Variants in AFDN observed in about 807,000 individuals in gnomAD.
AFDN encodes the protein afadin.
In AFDN, 68 loss-of-function variants were observed where a neutral mutation model predicts 216.6. The observed-to-expected ratio is 0.31, with a 90% CI of 0.26 to 0.38. The LOEUF (loss-of-function observed/expected upper bound fraction) is 0.38, where lower values mean the gene tolerates loss of function less well. AFDN is among the 10% of genes least tolerant of loss of function. The pLI is 1.00. For synonymous variants in AFDN, 868 were observed against 853.7 expected (o/e 1.02, Z -0.29); for missense variants, 2,136 against 2,342.0 (o/e 0.91, Z 1.82).
Position 167,971,592 on chromosome 6 carries a change from G to A in AFDN, c.*1657G>A, listed in dbSNP as rs2128792676. On this transcript the variant is annotated 3_prime_UTR_variant, in exon 34 of 34. Transcript: ENST00000683244. The stretch of plus-strand genomic sequence containing the variant: ...CCTCCCAAATATCTTGAGGACACTG[G>A]CAGCCTTATGGTGACTAAATCCACA... 1 of 193,636 alleles carries A rather than the reference G, an allele frequency of 5.2e-6. No individual in the cohort carries two copies. Among genetic ancestry groups the A allele is most frequent in the East Asian group, 8.2e-5 (1 of 12,154 alleles). 12.0% of individuals were successfully genotyped at this position (193,636 alleles called of 1,614,324 possible). A position where few individuals can be genotyped will look rare whatever the true frequency, so the allele number is the denominator to read the frequency against.
chr6:167,961,375 G>A (rs960039004), intron 30 of AFDN, among the ~76,000 whole-genome samples: 4 of 152,186 alleles, frequency 2.6e-5, no homozygotes, highest in African/African-American at 7.2e-5. Flanking sequence ...CATTATCTTA[G>A]ACTAGAATAA....
intron 26 of AFDN, 52 bp from the exon 27 acceptor site, chr6:167,946,651 TAATC>T: frequency 6.9e-7 from 1 of 1,442,658 alleles, no homozygotes; most frequent in Middle Eastern, 2.1e-4. Flanking sequence ...ATTTTAATGA[TAATC>T]AGGGTGTTGA....
Position 167,951,284 on chromosome 6 carries a change from T to G in AFDN, c.3930T>G (p.Asp1310Glu). ...EAAMDRKSDS[D>E]MWINQSSSLD... Reference sequence around the variant, plus strand: ...CTATGGACCGAAAGTCTGATAGTGATATGTGGATAAATCAGAGCTCCTCAC... The same window carrying G: ...CTATGGACCGAAAGTCTGATAGTGAGATGTGGATAAATCAGAGCTCCTCAC... Residue 1310 changes from aspartate to glutamate, a missense_variant, in exon 30 of 34, where the codon GAT becomes GAG. This residue lies in a region of AFDN where 981 missense variants were observed against 966.0 expected (regional missense o/e 1.02). Coordinates refer to ENST00000683244, the MANE Select transcript of AFDN (RefSeq NM_001386888.1). This position sits in a 1 kb window ranked among gnomAD's most constrained non-coding sequence, Gnocchi z 7.1. The G allele has an allele frequency of 6.2e-7, 1 of 1,614,150 alleles. No individual in the cohort carries two copies. Among genetic ancestry groups the G allele is most frequent in the Non-Finnish European group, 8.5e-7 (1 of 1,180,020 alleles).
chr6:167,933,417 A>T (rs1218842577), intron 23 of AFDN, among the ~76,000 whole-genome samples: 1 of 152,230 alleles, frequency 6.6e-6, no homozygotes, highest in African/African-American at 2.4e-5. Context: ...TTTCTCGCAT[A>T]AACTGTAATT....
At chr6:167,849,062 T>A (rs549685758) in intron 1 of AFDN, among the ~76,000 whole-genome samples, 1 of 152,316 alleles carries the variant, frequency 6.6e-6, no homozygotes, top group South Asian at 2.1e-4. Flanking sequence ...GTGAACATGG[T>A]CCACTTACTT....
chr6:167,952,305 T>G, intron 30 of AFDN, 118 bp downstream of exon 30: 1 of 1,551,174 alleles, frequency 6.4e-7, no homozygotes, highest in Non-Finnish European at 8.7e-7. Flanking sequence ...GCCCCTAGGC[T>G]TATACTGTTT....
chr6:167,889,583 C>T (rs945890194), intron 7 of AFDN, among the ~76,000 whole-genome samples: 2 of 149,740 alleles, frequency 1.3e-5, no homozygotes, highest in South Asian at 4.2e-4. Flanking sequence ...ACAGGCTCCG[C>T]CCCCATGCCC....
intron 2 of AFDN, 30 bp downstream of exon 2, chr6:167,864,776 G>A (rs753256152): frequency 1.9e-6 from 3 of 1,605,198 alleles, no homozygotes; most frequent in African/African-American, 1.3e-5. Flanking sequence ...GTTTGCTAGA[G>A]GCATGACCTG....
At chr6:167,904,829 C>A (rs1477390585) in intron 12 of AFDN, among the ~76,000 whole-genome samples, 2 of 152,268 alleles carry the variant, frequency 1.3e-5, no homozygotes, top group Admixed American at 1.3e-4. Context: ...CTACCCAGCT[C>A]ATCATTCTCC....
intron 16 of AFDN, chr6:167,913,751 T>A (rs1790698771): frequency 2.3e-6 from 1 of 435,316 alleles, no homozygotes; most frequent in Middle Eastern, 6.0e-4. Context: ...GATAGATCAG[T>A]ACTTGATACT....
chr6:167,948,558 C>G, intron 29 of AFDN, 80 bp downstream of exon 29: 1 of 1,347,896 alleles, frequency 7.4e-7, no homozygotes, highest in Non-Finnish European at 1.0e-6. Flanking sequence ...TTAATATTTT[C>G]TATAGAACAG....
At chr6:167,907,060 T>C in intron 12 of AFDN, 111 bp from the exon 13 acceptor site, 2 of 742,096 alleles carry the variant, frequency 2.7e-6, no homozygotes, top group Non-Finnish European at 4.6e-6. Context: ...GTCTGTGTTC[T>C]TGCCTGCCCT....
At chr6:167,960,484 G>A (rs938067875) in intron 30 of AFDN, among the ~76,000 whole-genome samples, 8 of 152,136 alleles carry the variant, frequency 5.3e-5, no homozygotes, top group Non-Finnish European at 1.2e-4. Context: ...CTTGCTCAGC[G>A]CTTATTTTTA....
chr6:167,859,789 T>C lies in AFDN; in HGVS notation c.106-4762T>C, dbSNP rs868545007. 1.7e-3 allele frequency among the ~76,000 whole-genome samples: 255 copies of C among 152,108 alleles called. 1 individual carries two copies. The Middle Eastern group carries it at 0.017, about 10-fold the overall frequency. ...TTGGTTTTGTTATTGTTGTTTTTTT[T>C]TTTTTAGTTTTGGATCATTGTATTC... On this transcript the variant is annotated intron_variant, in intron 1 of 33. Transcript: ENST00000683244.
intron 11 of AFDN, among the ~76,000 whole-genome samples, chr6:167,900,774 A>G (rs567218420): frequency 1.1e-4 from 17 of 152,158 alleles, no homozygotes; most frequent in African/African-American, 3.9e-4. Context: ...GCCTGCTGTC[A>G]TTGTTACTCC....
intron 1 of AFDN, among the ~76,000 whole-genome samples, chr6:167,851,804 T>TG (rs1782339551): frequency 6.6e-6 from 1 of 152,234 alleles, no homozygotes; most frequent in African/African-American, 2.4e-5. Flanking sequence ...AAGCAAGCTA[T>TG]GTTTGGCTTC....
intron 1 of AFDN, among the ~76,000 whole-genome samples, chr6:167,843,804 C>T (rs1432893835): frequency 6.6e-6 from 1 of 152,172 alleles, no homozygotes; most frequent in Non-Finnish European, 1.5e-5. Context: ...GAATATGCTG[C>T]TGCTTTTCAC....
At position 167,962,010 on chromosome 6, in the gene AFDN, G is replaced by A. The variant is rs976729754; in HGVS notation, c.4834-423G>A. 2.0e-5 allele frequency among the ~76,000 whole-genome samples: 3 copies of A among 152,304 alleles called. No homozygotes were observed. The South Asian group carries it at 6.2e-4, about 32-fold the overall frequency. On this transcript the variant is annotated intron_variant, in intron 30 of 33. Coordinates refer to ENST00000683244, the MANE Select transcript of AFDN (RefSeq NM_001386888.1). The surrounding 1 kb of genome is among the most constrained non-coding windows in gnomAD (Gnocchi z 5.2). ...GGCCTCCCTCTTCTACAAGATATTCGTAGTGGAAATTAAAAAGGGAGAGGA... is the reference window on the plus strand; with the variant it reads ...GGCCTCCCTCTTCTACAAGATATTCATAGTGGAAATTAAAAAGGGAGAGGA...
At chr6:167,901,209 C>T (rs1468974780) in intron 11 of AFDN, among the ~76,000 whole-genome samples, 14 of 152,118 alleles carry the variant, frequency 9.2e-5, no homozygotes, top group Non-Finnish European at 1.8e-4. Context: ...AGTATTATAA[C>T]GGGACATTTC....
Sources: allele counts gnomAD v4.1 joint callset (sites outside exome capture counted in the v4.1 genomes callset), GRCh38; gene constraint gnomAD v4.1.1; regional missense constraint gnomAD v4.1.1; non-coding constraint Gnocchi (gnomAD v3.1); transcripts MANE v1.5; gene names NCBI Gene and HGNC (gene_info 2026-07-23, HGNC 2026-07-21).